PRELID2: variants seen among roughly 807,000 people sequenced by gnomAD.
PRELID2 encodes PRELI domain containing 2.
Under a neutral mutation model 28.4 loss-of-function variants are expected in PRELID2, and 25 were observed. The observed-to-expected ratio is 0.88, with a 90% confidence interval of 0.64 to 1.23. PRELID2 has a LOEUF of 1.23. Among genes scored for constraint, PRELID2 ranks in the 50% most tolerant of loss-of-function variants. PRELID2 has a pLI of 0.00. For missense variants in PRELID2, 201 were observed against 214.4 expected (o/e 0.94, Z 0.39); for synonymous variants, 76 against 71.6 (o/e 1.06, Z -0.31).
chr5:145,617,969 G>A (rs1221426287), intron 1 of PRELID2, among the ~76,000 whole-genome samples: 4 of 152,086 alleles, frequency 2.6e-5, no homozygotes, highest in African/African-American at 9.7e-5. Flanking sequence ...CTGACCTCAG[G>A]TGATCCACCC....
At chr5:145,482,696 A>G (rs1752172938) in intron 1 of PRELID2, among the ~76,000 whole-genome samples, 1 of 151,962 alleles carries the variant, frequency 6.6e-6, no homozygotes, top group Non-Finnish European at 1.5e-5. Flanking sequence ...ACTGTAAGCT[A>G]TTATGAAATA....
chr5:145,405,699 G>GTTTTT, the PRELID2 span, among the ~76,000 whole-genome samples: 6 of 45,998 alleles, frequency 1.3e-4, 1 homozygote, highest in Admixed American at 3.2e-4. Context: ...GTACCACATA[G>GTTTTT]TTGTTTTTTT....
At chr5:145,242,451 C>A in the PRELID2 span, among the ~76,000 whole-genome samples, 1 of 151,968 alleles carries the variant, frequency 6.6e-6, no homozygotes, top group Non-Finnish European at 1.5e-5. Context: ...ATTCCCATCC[C>A]ACAGGAGGGG....
intron 4 of PRELID2, among the ~76,000 whole-genome samples, chr5:145,808,962 G>GT (rs1314935517): frequency 1.4e-5 from 2 of 143,550 alleles, no homozygotes; most frequent in Non-Finnish European, 3.0e-5. Flanking sequence ...ATTTTGACTT[G>GT]TTTTTTACTA....
chr5:145,819,176 T>G (rs1431693202), intron 3 of PRELID2, among the ~76,000 whole-genome samples: 2 of 152,202 alleles, frequency 1.3e-5, no homozygotes, highest in Non-Finnish European at 2.9e-5. Flanking sequence ...AATTACTCAG[T>G]CTCAGGTATG....
At chr5:145,363,098 C>T in the PRELID2 span, among the ~76,000 whole-genome samples, 1 of 142,448 alleles carries the variant, frequency 7.0e-6, no homozygotes, top group East Asian at 2.0e-4. Context: ...TGATTCTAGC[C>T]ACATATCATG....
intron 5 of PRELID2, among the ~76,000 whole-genome samples, chr5:145,784,257 A>G (rs986811771): frequency 3.9e-5 from 6 of 151,964 alleles, no homozygotes; most frequent in African/African-American, 1.2e-4. Flanking sequence ...AAAGAAAAGA[A>G]AAGAAAAAAA....
At chr5:145,340,324 T>C in the PRELID2 span, among the ~76,000 whole-genome samples, 2 of 152,242 alleles carry the variant, frequency 1.3e-5, no homozygotes, top group South Asian at 4.1e-4. Context: ...CAACATAGCA[T>C]GGACTGCATG....
At chr5:145,358,255 C>A in the PRELID2 span, among the ~76,000 whole-genome samples, 1 of 152,078 alleles carries the variant, frequency 6.6e-6, no homozygotes, top group African/African-American at 2.4e-5. Context: ...GTCCTTCTGA[C>A]TATGAGAGGG....
chr5:145,298,735 T>A, the PRELID2 span, among the ~76,000 whole-genome samples: 1 of 152,108 alleles, frequency 6.6e-6, no homozygotes, highest in Non-Finnish European at 1.5e-5. Flanking sequence ...AAATGTATGT[T>A]CATTATAAAT....
At chr5:145,588,752 A>G (rs1753187317) in intron 1 of PRELID2, among the ~76,000 whole-genome samples, 1 of 151,984 alleles carries the variant, frequency 6.6e-6, no homozygotes, top group Non-Finnish European at 1.5e-5. Context: ...AAAAATAGTG[A>G]TGATGATCCC....
chr5:145,610,379 C>T (rs1753596279), intron 1 of PRELID2, among the ~76,000 whole-genome samples: 1 of 152,088 alleles, frequency 6.6e-6, no homozygotes, highest in African/African-American at 2.4e-5. Context: ...GAGAGCAGTG[C>T]TCATGAGCTG....
At chr5:145,671,917 C>T (rs761070533) in intron 1 of PRELID2, among the ~76,000 whole-genome samples, 12 of 151,902 alleles carry the variant, frequency 7.9e-5, no homozygotes, top group Non-Finnish European at 1.8e-4. Context: ...AGAACTACAG[C>T]GTAGAAATAA....
At chr5:145,571,016 G>T (rs941556061) in intron 1 of PRELID2, among the ~76,000 whole-genome samples, 2 of 152,154 alleles carry the variant, frequency 1.3e-5, no homozygotes, top group Non-Finnish European at 2.9e-5. Flanking sequence ...TCTGCTGAAT[G>T]AATGAATCCA....
intron 1 of PRELID2, among the ~76,000 whole-genome samples, chr5:145,537,419 T>C (rs956804000): frequency 4.0e-5 from 6 of 151,866 alleles, no homozygotes; most frequent in African/African-American, 1.4e-4. Context: ...ATAACTATAC[T>C]AGTTTACAAT....
chr5:145,716,623 A>G (rs1755851102), intron 1 of PRELID2, among the ~76,000 whole-genome samples: 1 of 152,210 alleles, frequency 6.6e-6, no homozygotes, highest in Non-Finnish European at 1.5e-5. Context: ...GTTTTTATTC[A>G]TAAGAAGACA....
chr5:145,779,998 T>C (rs1758685663), intron 5 of PRELID2, among the ~76,000 whole-genome samples: 1 of 152,100 alleles, frequency 6.6e-6, no homozygotes, highest in Admixed American at 6.5e-5. Flanking sequence ...CTGGGCAACA[T>C]GGTGAGACCT....
chr5:145,767,552 C>A (rs1757842387), intron 5 of PRELID2, among the ~76,000 whole-genome samples: 1 of 152,122 alleles, frequency 6.6e-6, no homozygotes. Flanking sequence ...AACACGCACT[C>A]CCTGGGGTTC....
intron 1 of PRELID2, among the ~76,000 whole-genome samples, chr5:145,731,530 C>T (rs973345332): frequency 1.3e-5 from 2 of 152,176 alleles, no homozygotes; most frequent in African/African-American, 4.8e-5. Context: ...TGGGGCATGA[C>T]ATTAAATCAT....
Sources: allele counts gnomAD v4.1 joint callset (sites outside exome capture counted in the v4.1 genomes callset), GRCh38; gene constraint gnomAD v4.1.1; transcripts MANE v1.5; gene names NCBI Gene and HGNC (gene_info 2026-07-23, HGNC 2026-07-21).